RFX3: variants seen among roughly 807,000 people sequenced by gnomAD.
RFX3 encodes transcription factor RFX3.
Under a neutral mutation model 98.6 loss-of-function variants are expected in RFX3, and 14 were observed. The ratio of observed to expected loss-of-function variants is 0.14; its 90% CI spans 0.09 to 0.22. RFX3 has a LOEUF of 0.22. RFX3 is among the 10% of genes least tolerant of loss of function. The pLI, the probability that RFX3 is intolerant of heterozygous loss-of-function variation, is 1.00. For synonymous variants in RFX3, 383 were observed against 328.4 expected, an observed-to-expected ratio of 1.17 and a Z score of -1.80; for missense variants, 639 against 926.9, an observed-to-expected ratio of 0.69 and a Z score of 4.03.
intron 4 of RFX3, among the ~76,000 whole-genome samples, chr9:3,326,054 T>C (rs1382967295): frequency 6.6e-6 from 1 of 152,124 alleles, no homozygotes; most frequent in Non-Finnish European, 1.5e-5. Flanking sequence ...CCAGTGATGA[T>C]TCAATAAAAA....
chr9:3,355,798 C>G (rs978285862), intron 2 of RFX3, among the ~76,000 whole-genome samples: 5 of 151,694 alleles, frequency 3.3e-5, no homozygotes, highest in African/African-American at 9.7e-5. Flanking sequence ...AAAACAAGTC[C>G]CAACAAATTT....
intron 1 of RFX3, among the ~76,000 whole-genome samples, chr9:3,435,042 TA>T (rs1564097606): frequency 1.3e-5 from 2 of 151,712 alleles, no homozygotes; most frequent in African/African-American, 4.8e-5. Context: ...GCATAAGAGA[TA>T]AAAAATGGTA....
intron 1 of RFX3, among the ~76,000 whole-genome samples, chr9:3,492,793 C>A (rs1850820425): frequency 6.6e-6 from 1 of 152,136 alleles, no homozygotes; most frequent in South Asian, 2.1e-4. Flanking sequence ...TCTAAGTGGT[C>A]ATTTATCTCA....
chr9:3,461,904 A>G (rs938942807), intron 1 of RFX3, among the ~76,000 whole-genome samples: 1 of 151,946 alleles, frequency 6.6e-6, no homozygotes, highest in African/African-American at 2.4e-5. Context: ...TCATTTGGAG[A>G]ACATCTGAAA....
chr9:3,278,320 C>A, intron 7 of RFX3, among the ~76,000 whole-genome samples: 1 of 151,728 alleles, frequency 6.6e-6, no homozygotes. Context: ...TCTCTGATTC[C>A]ACTTATTTTT....
chr9:3,239,576 C>G (rs142796151), intron 15 of RFX3, among the ~76,000 whole-genome samples: 3 of 152,312 alleles, frequency 2.0e-5, no homozygotes, highest in African/African-American at 7.2e-5. Flanking sequence ...GTTTAAATGT[C>G]TAAGACACAC....
intron 1 of RFX3, among the ~76,000 whole-genome samples, chr9:3,437,395 C>T (rs1469738878): frequency 6.6e-6 from 1 of 152,218 alleles, no homozygotes; most frequent in Middle Eastern, 3.4e-3. Context: ...GGAGGTACCA[C>T]ATTCTGCTTC....
At chr9:3,428,222 A>T (rs1472497521) in intron 1 of RFX3, among the ~76,000 whole-genome samples, 1 of 152,196 alleles carries the variant, frequency 6.6e-6, no homozygotes, top group East Asian at 1.9e-4. Flanking sequence ...GCTCTTGCAC[A>T]CATTACTTTA....
chr9:3,516,582 T>C (rs1587917315), intron 1 of RFX3, among the ~76,000 whole-genome samples: 1 of 152,334 alleles, frequency 6.6e-6, no homozygotes, highest in East Asian at 1.9e-4. Context: ...TGTCTAGACC[T>C]TGACGGGATT....
At position 3,459,039 on chromosome 9, in the gene RFX3, G is replaced by C. The variant is rs1229054936; in HGVS notation, c.-8-63443C>G. On this transcript the variant is annotated intron_variant, in intron 1 of 16. Transcript: ENST00000617270. ...CATTTTCTTGTAAGTGTGCCAAAGG[G>C]ACGGCAATGAGAAATTAAAACAATG... is the stretch of plus-strand genomic sequence containing the variant. 6.6e-5 allele frequency among the ~76,000 whole-genome samples: 10 copies of C among 152,118 alleles called. No individual in the cohort carries two copies. The East Asian group carries it at 1.5e-3, about 23-fold the overall frequency.
At chr9:3,405,134 G>T (rs1231291963) in intron 1 of RFX3, among the ~76,000 whole-genome samples, 1 of 151,542 alleles carries the variant, frequency 6.6e-6, no homozygotes, top group Non-Finnish European at 1.5e-5. Flanking sequence ...ATTTTTTCCG[G>T]TTTTCTTCCT....
At chr9:3,500,466 T>TA (rs1460066003) in intron 1 of RFX3, among the ~76,000 whole-genome samples, 2 of 152,096 alleles carry the variant, frequency 1.3e-5, no homozygotes, top group African/African-American at 4.8e-5. Flanking sequence ...TCATCCTTCT[T>TA]AAAACAAATG....
chr9:3,478,577 A>T (rs1849471402), intron 1 of RFX3, among the ~76,000 whole-genome samples: 1 of 152,092 alleles, frequency 6.6e-6, no homozygotes, highest in Non-Finnish European at 1.5e-5. Context: ...TCTTCATGAG[A>T]AGTCATACCT....
chr9:3,522,043 T>A (rs1323792209), intron 1 of RFX3, among the ~76,000 whole-genome samples: 4 of 144,938 alleles, frequency 2.8e-5, no homozygotes, highest in Admixed American at 6.9e-5. Flanking sequence ...ACTTTTACTT[T>A]AAAAAAAAAA....
At chr9:3,257,637 G>C (rs922009288) in intron 13 of RFX3, among the ~76,000 whole-genome samples, 1 of 152,140 alleles carries the variant, frequency 6.6e-6, no homozygotes, top group Non-Finnish European at 1.5e-5. Flanking sequence ...TTTAGGGTAA[G>C]TCAGACAGAT....
At chr9:3,302,036 G>T (rs574299027) in intron 4 of RFX3, among the ~76,000 whole-genome samples, 1 of 151,726 alleles carries the variant, frequency 6.6e-6, no homozygotes, top group Admixed American at 6.6e-5. Context: ...AAATCATACC[G>T]CAGATTTTGA....
intron 4 of RFX3, among the ~76,000 whole-genome samples, chr9:3,328,922 C>G (rs901571839): frequency 5.5e-4 from 83 of 152,208 alleles, no homozygotes; most frequent in African/African-American, 2.0e-3. Context: ...ATTCAAATCC[C>G]CAGCACCCTT....
At chr9:3,449,914 A>C (rs1294142050) in intron 1 of RFX3, among the ~76,000 whole-genome samples, 1 of 152,012 alleles carries the variant, frequency 6.6e-6, no homozygotes. Context: ...AAGACACAGA[A>C]AATTAAAATA....
intron 8 of RFX3, 115 bp from the exon 9 acceptor site, chr9:3,275,727 C>A: frequency 3.6e-6 from 2 of 552,452 alleles, no homozygotes; most frequent in South Asian, 2.7e-5. Flanking sequence ...GGTCAGGGGT[C>A]CAGAGAGCAA....
Sources: gnomAD v4.1 joint callset for allele counts (sites outside exome capture counted in the v4.1 genomes callset) on GRCh38, gnomAD v4.1.1 for gene constraint, MANE v1.5 for transcripts, NCBI Gene and HGNC (gene_info 2026-07-23, HGNC 2026-07-21) for gene names.